Variants in RAMP1 observed in about 807,000 individuals in gnomAD.
RAMP1 encodes receptor activity modifying protein 1.
In RAMP1, 7 loss-of-function variants were observed where a neutral mutation model predicts 8.2. The ratio of observed to expected loss-of-function variants is 0.85; its 90% CI spans 0.49 to 1.60. RAMP1 has a LOEUF of 1.60. RAMP1 is among the 40% of genes most tolerant of loss of function. The pLI, the probability that RAMP1 is intolerant of heterozygous loss-of-function variation, is 0.00. For synonymous variants in RAMP1, 92 were observed against 84.7 expected, an observed-to-expected ratio of 1.09 and a Z score of -0.47; for missense variants, 192 against 202.4, an observed-to-expected ratio of 0.95 and a Z score of 0.31.
At chr2:237,861,286 G>C (rs1007949067) in intron 1 of RAMP1, among the ~76,000 whole-genome samples, 1 of 152,072 alleles carries the variant, frequency 6.6e-6, no homozygotes. Context: ...GAGTGGCCTG[G>C]CTAATGTTAT....
intron 2 of RAMP1, among the ~76,000 whole-genome samples, chr2:237,886,255 C>T (rs964682352): frequency 1.3e-5 from 2 of 152,166 alleles, no homozygotes; most frequent in African/African-American, 2.4e-5. Context: ...CTCCTTGGCG[C>T]GCGTGACCGT....
chr2:237,908,487 C>A (rs1220012476), intron 2 of RAMP1, among the ~76,000 whole-genome samples: 3 of 151,882 alleles, frequency 2.0e-5, no homozygotes, highest in Non-Finnish European at 4.4e-5. Context: ...AGTGCAGTGG[C>A]ATGATCTCGG....
intron 2 of RAMP1, among the ~76,000 whole-genome samples, chr2:237,879,989 C>CAAA (rs35678960): frequency 0.12 from 9,430 of 75,522 alleles, 1,307 homozygotes; most frequent in African/African-American, 0.33. Context: ...GACTTTGTCT[C>CAAA]AAAAAAAAAA....
intron 2 of RAMP1, among the ~76,000 whole-genome samples, chr2:237,880,800 G>A (rs535425587): frequency 1.6e-4 from 25 of 152,308 alleles, no homozygotes; most frequent in Non-Finnish European, 1.5e-4. Flanking sequence ...TTTACTTAAA[G>A]ACAACTGATG....
intron 2 of RAMP1, among the ~76,000 whole-genome samples, chr2:237,894,236 CTT>C (rs911981818): frequency 1.4e-4 from 21 of 152,094 alleles, no homozygotes; most frequent in African/African-American, 4.8e-4. Context: ...CCTCCAAAGT[CTT>C]GGGATTACAG....
intron 2 of RAMP1, among the ~76,000 whole-genome samples, chr2:237,888,315 T>C (rs572804412): frequency 3.9e-5 from 6 of 152,326 alleles, no homozygotes; most frequent in African/African-American, 1.4e-4. Context: ...CCTCTCAAAG[T>C]GCTGGAATTA....
At position 237,865,243 on chromosome 2, in the gene RAMP1, G is replaced by A. The variant is rs918527740; in HGVS notation, c.52+5516G>A. Reference sequence around the variant, plus strand: ...CTGGCAGAGCTCCTGGGGGAGTAGGGAGGGCAGGGCAGGGGAGAAGAGAGG... The same window carrying A: ...CTGGCAGAGCTCCTGGGGGAGTAGGAAGGGCAGGGCAGGGGAGAAGAGAGG... On this transcript the variant is annotated intron_variant, in intron 1 of 2. Coordinates refer to ENST00000254661, the MANE Select transcript of RAMP1 (RefSeq NM_005855.4). The surrounding 1 kb of genome is among the most constrained non-coding windows in gnomAD (Gnocchi z 4.2). Among the ~76,000 whole-genome samples the A allele has an allele frequency of 6.7e-6, 1 of 149,122 alleles. No individual in the cohort carries two copies. The highest frequency in any genetic ancestry group is 1.5e-5 in the Non-Finnish European group (1 of 67,294).
chr2:237,877,094 C>T lies in RAMP1; in HGVS notation c.53-130C>T, dbSNP rs577590762. Reference sequence around the variant, plus strand: ...AAGAGCGTCCACTTGGAGCCACAGTCGCCCTCTCCAGGGGTTGCTTAGAGG... The same window carrying T: ...AAGAGCGTCCACTTGGAGCCACAGTTGCCCTCTCCAGGGGTTGCTTAGAGG... On this transcript the variant is annotated intron_variant, in intron 1 of 2. Coordinates refer to ENST00000254661, the MANE Select transcript of RAMP1 (RefSeq NM_005855.4). This position sits in a 1 kb window ranked among gnomAD's most constrained non-coding sequence, Gnocchi z 4.4. 62 of 1,108,606 alleles carry T rather than the reference C, an allele frequency of 5.6e-5. No individual in the cohort carries two copies. Among genetic ancestry groups the T allele is most frequent in the African/African-American group, 5.6e-4 (36 of 64,768 alleles). 68.7% of individuals were successfully genotyped at this position (1,108,606 alleles called of 1,614,324 possible).
intron 2 of RAMP1, among the ~76,000 whole-genome samples, chr2:237,886,884 C>T (rs181557572): frequency 2.6e-4 from 40 of 152,316 alleles, no homozygotes; most frequent in South Asian, 1.2e-3. Context: ...AGGTGGAACA[C>T]GTCTGGTGGC....
chr2:237,869,095 T>C (rs946356385), intron 1 of RAMP1, among the ~76,000 whole-genome samples: 5 of 152,172 alleles, frequency 3.3e-5, no homozygotes, highest in African/African-American at 9.7e-5. Context: ...TCTCCATCCA[T>C]GCGCATTGTG....
rs199783169 is a variant in RAMP1 at position 237,911,705 on chromosome 2, C to T, written c.369C>T (p.Ile123=). The part of the protein sequence containing the change: ...DPPGSILYPF[I]VVPITVTLLV... Reference sequence around the variant, plus strand: ...CCGGCAGCATCCTCTACCCCTTCATCGTGGTCCCCATCACGGTGACCCTGC... The same window carrying T: ...CCGGCAGCATCCTCTACCCCTTCATTGTGGTCCCCATCACGGTGACCCTGC... Residue 123 remains isoleucine, a synonymous_variant, in exon 3 of 3, where the codon ATC becomes ATT. Transcript: ENST00000254661. 75 of 1,613,934 alleles carry T rather than the reference C, an allele frequency of 4.6e-5. No homozygotes were observed. The highest frequency in any genetic ancestry group is 1.7e-4 in the African/African-American group (13 of 75,056).
chr2:237,898,443 C>T (rs2151019362), intron 2 of RAMP1, among the ~76,000 whole-genome samples: 1 of 152,262 alleles, frequency 6.6e-6, no homozygotes, highest in East Asian at 1.9e-4. Context: ...CCGTCTTTCC[C>T]TCACGCGTGC....
chr2:237,888,659 T>A (rs953944187), intron 2 of RAMP1, among the ~76,000 whole-genome samples: 2 of 152,252 alleles, frequency 1.3e-5, no homozygotes, highest in African/African-American at 4.8e-5. Flanking sequence ...TTCCTTTTTT[T>A]AAGACTTTAT....
At position 237,883,857 on chromosome 2, in the gene RAMP1, G is replaced by T. The variant is rs575196978; in HGVS notation, c.191+6495G>T. ...AAAAGAAAAGAAAAAAAAAAAAGAG[G>T]CTCCTCCTCTGCACAGGGGTCATTC... On this transcript the variant is annotated intron_variant, in intron 2 of 2. Transcript: ENST00000254661. 5.4e-5 allele frequency among the ~76,000 whole-genome samples: 8 copies of T among 148,424 alleles called. No individual in the cohort carries two copies. In the South Asian group the frequency reaches 8.5e-4, roughly 16 times the overall value.
At chr2:237,883,563 C>A (rs1414364426) in intron 2 of RAMP1, among the ~76,000 whole-genome samples, 4 of 152,192 alleles carry the variant, frequency 2.6e-5, no homozygotes, top group Non-Finnish European at 5.9e-5. Context: ...CGCCTGTAAT[C>A]CCAACACTTT....
intron 1 of RAMP1, among the ~76,000 whole-genome samples, chr2:237,875,294 C>T (rs1576538718): frequency 6.6e-6 from 1 of 152,270 alleles, no homozygotes; most frequent in East Asian, 1.9e-4. Context: ...GGTGCACTCA[C>T]AGTGCTGGTA....
chr2:237,893,529 C>A (rs1177492599), intron 2 of RAMP1, among the ~76,000 whole-genome samples: 1 of 152,238 alleles, frequency 6.6e-6, no homozygotes, highest in African/African-American at 2.4e-5. Context: ...TCTTTCACTT[C>A]TTTGTCATAT....
chr2:237,867,570 C>T (rs997062643), intron 1 of RAMP1, among the ~76,000 whole-genome samples: 3 of 152,182 alleles, frequency 2.0e-5, no homozygotes, highest in African/African-American at 4.8e-5. Context: ...AAGAACCGTT[C>T]GATGTGACAC....
intron 1 of RAMP1, among the ~76,000 whole-genome samples, chr2:237,868,562 A>C: frequency 7.2e-6 from 1 of 138,608 alleles, no homozygotes; most frequent in Middle Eastern, 3.8e-3. Flanking sequence ...TTCCCCACTG[A>C]TTCCCTCCCC....
Sources: gnomAD v4.1 joint callset for allele counts (sites outside exome capture counted in the v4.1 genomes callset) on GRCh38, gnomAD v4.1.1 for gene constraint, Gnocchi (gnomAD v3.1) non-coding constraint, MANE v1.5 for transcripts, NCBI Gene and HGNC (gene_info 2026-07-23, HGNC 2026-07-21) for gene names.